EBF1: variants seen among roughly 807,000 people sequenced by gnomAD.
EBF1 encodes EBF transcription factor 1.
Under a neutral mutation model 68.4 loss-of-function variants are expected in EBF1, and 10 were observed. The ratio of observed to expected loss-of-function variants is 0.15; its 90% CI spans 0.09 to 0.25. EBF1 has a LOEUF of 0.25. EBF1 is among the 10% of genes least tolerant of loss of function. The pLI is 1.00. For synonymous variants in EBF1, 298 were observed against 299.8 expected (o/e 0.99, Z 0.06); for missense variants, 509 against 794.4 (o/e 0.64, Z 4.32).
At chr5:158,843,731 G>C (rs1280297025) in intron 6 of EBF1, among the ~76,000 whole-genome samples, 2 of 152,182 alleles carry the variant, frequency 1.3e-5, no homozygotes, top group Non-Finnish European at 2.9e-5. Context: ...TTTCCCCTAA[G>C]TAAAAGCCAA....
chr5:158,977,275 A>T (rs1756963052), intron 6 of EBF1, among the ~76,000 whole-genome samples: 1 of 152,216 alleles, frequency 6.6e-6, no homozygotes. Flanking sequence ...ATTTAAAAAT[A>T]ATGTAATCTA....
intron 4 of EBF1, among the ~76,000 whole-genome samples, chr5:159,085,795 T>A (rs182230947): frequency 6.6e-6 from 1 of 152,202 alleles, no homozygotes; most frequent in Non-Finnish European, 1.5e-5. Context: ...TATCTTTATA[T>A]AGTACATACA....
intron 6 of EBF1, among the ~76,000 whole-genome samples, chr5:159,062,159 C>T (rs762366465): frequency 6.6e-6 from 1 of 152,192 alleles, no homozygotes; most frequent in Non-Finnish European, 1.5e-5. Context: ...GCACATTGCT[C>T]TCATGAATGA....
At chr5:158,807,539 A>G (rs1781813443) in intron 8 of EBF1, among the ~76,000 whole-genome samples, 1 of 152,178 alleles carries the variant, frequency 6.6e-6, no homozygotes, top group Non-Finnish European at 1.5e-5. Flanking sequence ...CAACCCAAAC[A>G]TAAATATGGC....
chr5:158,754,091 A>C (rs1044020667), intron 10 of EBF1, among the ~76,000 whole-genome samples: 2 of 152,110 alleles, frequency 1.3e-5, no homozygotes, highest in African/African-American at 4.8e-5. Flanking sequence ...GGCAAACTTG[A>C]AGTATTACCC....
At chr5:159,034,885 A>G (rs924175464) in intron 6 of EBF1, among the ~76,000 whole-genome samples, 2 of 152,156 alleles carry the variant, frequency 1.3e-5, no homozygotes, top group Admixed American at 1.3e-4. Context: ...ACCTTGTCCA[A>G]CCAGGACAAT....
At position 159,087,313 on chromosome 5, in the gene EBF1, C is replaced by CAT. The variant is rs936165673; in HGVS notation, c.412-2576_412-2575dup. Among the ~76,000 whole-genome samples the CAT allele has an allele frequency of 6.1e-3, 881 of 143,596 alleles. 8 individuals are homozygous for CAT. Among genetic ancestry groups the CAT allele is most frequent in the African/African-American group, 0.022 (843 of 38,508 alleles). The allele number at this position is 143,596 out of a possible 152,430, so 94.2% of individuals were successfully genotyped here. A position where few individuals can be genotyped will look rare whatever the true frequency, so the allele number is the denominator to read the frequency against. On this transcript the variant is annotated intron_variant, in intron 4 of 15. Transcript: ENST00000313708. The stretch of plus-strand genomic sequence containing the variant: ...ATACACATATATATATACACACACA[C>CAT]ATATATATACACATATATATATACA...
intron 7 of EBF1, among the ~76,000 whole-genome samples, chr5:158,826,916 G>A (rs1226958634): frequency 6.6e-6 from 1 of 152,030 alleles, no homozygotes. Flanking sequence ...CCTCTATTTA[G>A]AATTTGAAAG....
rs1039348881 is a variant in EBF1, at chr5:158,706,714, T to C, written c.1744+1265A>G. On this transcript the variant is annotated intron_variant, in intron 15 of 15. Transcript: ENST00000313708. ...AGGGAAGACACTGTGGGAAACTTTG[T>C]ATGGCTGGGCTTAAGGGCACAGACT... Among the ~76,000 whole-genome samples the C allele has an allele frequency of 2.8e-4, 42 of 152,194 alleles. 1 individual carries two copies. Among genetic ancestry groups the C allele is most frequent in the Non-Finnish European group, 1.5e-5 (1 of 68,030 alleles).
At chr5:158,901,614 A>G (rs1017861561) in intron 6 of EBF1, among the ~76,000 whole-genome samples, 1 of 152,268 alleles carries the variant, frequency 6.6e-6, no homozygotes, top group Non-Finnish European at 1.5e-5. Context: ...CATAATAATA[A>G]TTATAGCTAA....
intron 5 of EBF1, among the ~76,000 whole-genome samples, chr5:159,077,107 C>T (rs577388136): frequency 5.2e-4 from 79 of 152,322 alleles, no homozygotes; most frequent in African/African-American, 1.8e-3. Flanking sequence ...TCCCTCACTT[C>T]ATTCAAGTCT....
At chr5:158,777,798 T>C (rs1050855572) in intron 9 of EBF1, among the ~76,000 whole-genome samples, 5 of 152,198 alleles carry the variant, frequency 3.3e-5, no homozygotes, top group South Asian at 4.1e-4. Context: ...CCTGGCCTAA[T>C]GAAATGATTT....
At chr5:159,006,930 T>C (rs1763688796) in intron 6 of EBF1, among the ~76,000 whole-genome samples, 1 of 152,218 alleles carries the variant, frequency 6.6e-6, no homozygotes, top group Non-Finnish European at 1.5e-5. Context: ...AAACTCTTCC[T>C]ATTTACATAT....
At chr5:158,803,196 C>T (rs1265546568) in intron 8 of EBF1, among the ~76,000 whole-genome samples, 4 of 152,050 alleles carry the variant, frequency 2.6e-5, no homozygotes, top group African/African-American at 4.8e-5. Context: ...CTTGTGACCT[C>T]GTAAAACTCA....
At chr5:158,757,748 C>T (rs931607302) in intron 10 of EBF1, among the ~76,000 whole-genome samples, 11 of 152,114 alleles carry the variant, frequency 7.2e-5, no homozygotes, top group South Asian at 2.1e-4. Flanking sequence ...ATAATACTAC[C>T]TGTCTTGTAG....
intron 8 of EBF1, among the ~76,000 whole-genome samples, chr5:158,798,888 C>T (rs987687501): frequency 6.6e-6 from 1 of 152,170 alleles, no homozygotes; most frequent in Non-Finnish European, 1.5e-5. Flanking sequence ...TACCTCTACA[C>T]TCAGCACCAT....
At chr5:159,049,832 G>A (rs572390003) in intron 6 of EBF1, among the ~76,000 whole-genome samples, 55 of 152,294 alleles carry the variant, frequency 3.6e-4, no homozygotes, top group African/African-American at 1.3e-3. Flanking sequence ...GTGTTCTTGG[G>A]AGGGGTGCTT....
At chr5:159,026,268 G>A (rs1767697369) in intron 6 of EBF1, among the ~76,000 whole-genome samples, 1 of 151,888 alleles carries the variant, frequency 6.6e-6, no homozygotes, top group South Asian at 2.1e-4. Flanking sequence ...AGGCTCTTGT[G>A]TTAATGAAGA....
intron 6 of EBF1, among the ~76,000 whole-genome samples, chr5:158,978,263 G>A (rs762008455): frequency 1.3e-5 from 2 of 152,236 alleles, no homozygotes; most frequent in Admixed American, 1.3e-4. Context: ...GCTGGAAACC[G>A]ATGACGGCAG....
Sources: allele counts gnomAD v4.1 joint callset (sites outside exome capture counted in the v4.1 genomes callset), GRCh38; gene constraint gnomAD v4.1.1; transcripts MANE v1.5; gene names NCBI Gene and HGNC (gene_info 2026-07-23, HGNC 2026-07-21).